Variants in MRTFB observed in about 807,000 individuals in gnomAD.
MRTFB encodes the protein myocardin related transcription factor B.
MRTFB carries 29 observed loss-of-function variants against 104.2 expected under a neutral mutation model. That is an observed-to-expected ratio of 0.28 (90% CI 0.21 to 0.38). MRTFB has a LOEUF of 0.38. MRTFB is among the 10% of genes least tolerant of loss of function. MRTFB has a pLI of 1.00. For synonymous variants in MRTFB, 535 were observed against 519.5 expected (o/e 1.03, Z -0.41); for missense variants, 1,270 against 1,341.6 (o/e 0.95, Z 0.83).
intron 10 of MRTFB, chr16:14,240,748 C>A: frequency 1.3e-6 from 1 of 777,856 alleles, no homozygotes; most frequent in Non-Finnish European, 2.3e-6. Context: ...CCAGATTTGC[C>A]TATTATTAGA....
intron 15 of MRTFB, among the ~76,000 whole-genome samples, chr16:14,256,154 T>A (rs1597390834): frequency 1.6e-5 from 2 of 128,742 alleles, no homozygotes; most frequent in Non-Finnish European, 3.3e-5. Context: ...TACAAAAATG[T>A]CAAATTTTTT....
At chr16:14,024,535 T>C in the MRTFB span, among the ~76,000 whole-genome samples, 2 of 152,196 alleles carry the variant, frequency 1.3e-5, no homozygotes, top group Non-Finnish European at 2.9e-5. Flanking sequence ...GCATTTCTCA[T>C]GACTCAGCAG....
intron 3 of MRTFB, chr16:14,200,423 A>T: frequency 6.2e-7 from 1 of 1,608,784 alleles, no homozygotes; most frequent in Non-Finnish European, 8.5e-7. Flanking sequence ...AGAGGAGACG[A>T]CTAATAGACC....
intron 8 of MRTFB, among the ~76,000 whole-genome samples, chr16:14,222,392 T>C (rs1488876675): frequency 1.3e-5 from 2 of 152,166 alleles, no homozygotes; most frequent in African/African-American, 2.4e-5. Context: ...ATTCATAAAC[T>C]TTCTTAAAAC....
chr16:14,236,235 G>A (rs2042501188), intron 9 of MRTFB, among the ~76,000 whole-genome samples: 1 of 152,184 alleles, frequency 6.6e-6, no homozygotes, highest in Admixed American at 6.5e-5. Context: ...AAATAAGAAG[G>A]TAAATAGCTA....
intron 2 of MRTFB, among the ~76,000 whole-genome samples, chr16:14,095,394 C>T (rs915541722): frequency 5.3e-5 from 8 of 152,202 alleles, no homozygotes; most frequent in Non-Finnish European, 1.2e-4. Context: ...GGGCAAGTTA[C>T]TTAAGCTTGT....
intron 10 of MRTFB, among the ~76,000 whole-genome samples, chr16:14,243,863 G>GGTTTTTTTTTTTTTTTT (rs1555458546): frequency 8.4e-6 from 1 of 118,800 alleles, no homozygotes; most frequent in Non-Finnish European, 1.6e-5. Context: ...GCCTGTTTTG[G>GGTTTTTTTTTTTTTTTT]GTTTTTTTTT....
chr16:14,019,681 T>A, the MRTFB span, among the ~76,000 whole-genome samples: 1 of 152,096 alleles, frequency 6.6e-6, no homozygotes, highest in Non-Finnish European at 1.5e-5. Context: ...GCCCAGTGAG[T>A]AGTAAGCATA....
At chr16:14,089,153 T>G (rs1436977135) in intron 2 of MRTFB, among the ~76,000 whole-genome samples, 2 of 152,210 alleles carry the variant, frequency 1.3e-5, no homozygotes, top group African/African-American at 4.8e-5. Flanking sequence ...ACAGCTTTAT[T>G]GAGATATAAT....
At chr16:14,064,659 T>C in the MRTFB span, among the ~76,000 whole-genome samples, 1 of 152,218 alleles carries the variant, frequency 6.6e-6, no homozygotes. Context: ...AGGGGTCCAG[T>C]TTCAATCTTC....
rs2039615823 is a variant in MRTFB at position 14,177,285 on chromosome 16, C to T, written c.155-32958C>T. Among the ~76,000 whole-genome samples the T allele has an allele frequency of 6.6e-6, 1 of 152,100 alleles. No homozygotes were observed. Among genetic ancestry groups the T allele is most frequent in the Admixed American group, 6.5e-5 (1 of 15,282 alleles). ...GTCAGTTGAGTGGCATTTGTTTATT[C>T]ATAGAGGCAGCATTAATTAAGCAGG... On this transcript the variant is annotated intron_variant, in intron 3 of 16. Coordinates refer to ENST00000571589, the MANE Select transcript of MRTFB (RefSeq NM_001308142.2). This position sits in a 1 kb window ranked among gnomAD's most constrained non-coding sequence, Gnocchi z 4.7.
At chr16:14,113,122 C>T (rs1728820739) in intron 2 of MRTFB, among the ~76,000 whole-genome samples, 2 of 152,216 alleles carry the variant, frequency 1.3e-5, no homozygotes, top group Admixed American at 6.5e-5. Context: ...CGGCTCACTG[C>T]AACCACCGCC....
chr16:14,038,538 A>G, the MRTFB span, among the ~76,000 whole-genome samples: 1 of 152,276 alleles, frequency 6.6e-6, no homozygotes, highest in African/African-American at 2.4e-5. Flanking sequence ...TTGATTTAGT[A>G]CTAATGTGTC....
chr16:14,109,776 T>C (rs777509795), intron 2 of MRTFB, among the ~76,000 whole-genome samples: 1 of 152,238 alleles, frequency 6.6e-6, no homozygotes, highest in Non-Finnish European at 1.5e-5. Context: ...GTTTTATTCA[T>C]GAATGTTGCC....
chr16:14,261,112 T>G lies in MRTFB; in HGVS notation c.2968T>G (p.Leu990Val). Residue 990 changes from leucine (L) to valine (V), a missense_variant, in exon 17 of 17, where the codon TTA becomes GTA. Physicochemically the swap from Leu to Val is conservative, Grantham distance 32. This residue lies in a region of MRTFB where 1,144 missense variants were observed against 1,131.5 expected (regional missense o/e 1.01). Transcript: ENST00000571589. ...NQLEAFLDGTLPSANEIPPLQ... is the reference protein window; with the variant it reads ...NQLEAFLDGTVPSANEIPPLQ... ...ACTAGAAGCTTTCTTGGATGGAACT[T>G]TACCCTCAGCCAATGAAATTCCTCC... 1 of 1,614,122 alleles carries G rather than the reference T, an allele frequency of 6.2e-7. No individual in the cohort carries two copies. Among genetic ancestry groups the G allele is most frequent in the Non-Finnish European group, 8.5e-7 (1 of 1,180,022 alleles).
At chr16:14,173,973 G>C (rs1166135347) in intron 3 of MRTFB, among the ~76,000 whole-genome samples, 1 of 151,876 alleles carries the variant, frequency 6.6e-6, no homozygotes, top group Non-Finnish European at 1.5e-5. Flanking sequence ...TTAATTTCAA[G>C]GTACACAATC....
rs768684761 is a variant in MRTFB at position 14,252,442 on chromosome 16, TC to T, written c.2650del (p.Arg884AlafsTer44). The T allele has an allele frequency of 6.2e-7, 1 of 1,611,662 alleles. No homozygotes were observed. The highest frequency in any genetic ancestry group is 8.5e-7 in the Non-Finnish European group (1 of 1,179,464). Reference protein sequence around the residue: ...FGSPVAKTKDPPRYEEAIKQT... With the variant: ...FGSPVAKTKDXPRYEEAIKQT... ...GGAGTCCAGTCGCCAAGACAAAAGA[TC>T]CCCCCCGCTATGAGGAGGCCATCAA... On this transcript the variant is annotated frameshift_variant, in exon 15 of 17. Coordinates refer to ENST00000571589, the MANE Select transcript of MRTFB (RefSeq NM_001308142.2). LOFTEE classifies it high-confidence loss of function.
rs962228835 is a variant in MRTFB at position 14,264,075 on chromosome 16, G to T, written c.*2631G>T. The T allele has an allele frequency of 6.6e-6, 1 of 152,244 alleles. No individual in the cohort carries two copies. The highest frequency in any genetic ancestry group is 2.4e-5 in the African/African-American group (1 of 41,468). 9.4% of individuals were successfully genotyped at this position (152,244 alleles called of 1,614,324 possible). A position where few individuals can be genotyped will look rare whatever the true frequency, so the allele number is the denominator to read the frequency against. On this transcript the variant is annotated 3_prime_UTR_variant, in exon 17 of 17. Coordinates refer to ENST00000571589, the MANE Select transcript of MRTFB (RefSeq NM_001308142.2). ...TGAGGAAGGGTGGATATTGACTAAA[G>T]ACTGGTTGTTGTTGTTGTTTAGGTT...
chr16:14,240,314 A>G lies in MRTFB; in HGVS notation c.909A>G (p.Leu303=). The G allele has an allele frequency of 6.2e-7, 1 of 1,614,196 alleles. No homozygotes were observed. The highest frequency in any genetic ancestry group is 8.5e-7 in the Non-Finnish European group (1 of 1,180,026). Residue 303 remains leucine, a synonymous_variant, in exon 10 of 17, where the codon TTA becomes TTG. Transcript: ENST00000571589. Reference sequence around the variant, plus strand: ...ATCCCAAACCACGGGTAAAGAAGTTAAAGTACCACCAATACATTCCACCAG... The same window carrying G: ...ATCCCAAACCACGGGTAAAGAAGTTGAAGTACCACCAATACATTCCACCAG... ...CKDPKPRVKK[L]KYHQYIPPDQ...
Sources: gnomAD v4.1 joint callset for allele counts (sites outside exome capture counted in the v4.1 genomes callset) on GRCh38, gnomAD v4.1.1 for gene constraint, gnomAD v4.1.1 regional missense constraint, Gnocchi (gnomAD v3.1) non-coding constraint, MANE v1.5 for transcripts, NCBI Gene and HGNC (gene_info 2026-07-23, HGNC 2026-07-21) for gene names.